Variants in KATNA1 observed in about 807,000 individuals in gnomAD.
KATNA1 encodes katanin catalytic subunit A1.
A neutral mutation model predicts 62.6 loss-of-function variants in KATNA1; 42 were observed. The ratio of observed to expected loss-of-function variants is 0.67; its 90% CI spans 0.52 to 0.87. The LOEUF (loss-of-function observed/expected upper bound fraction) is 0.87. KATNA1 is among the 40% of genes least tolerant of loss of function. The pLI is 0.00. For missense variants in KATNA1, 498 were observed against 612.5 expected (o/e 0.81, Z 1.97); for synonymous variants, 186 against 201.9 (o/e 0.92, Z 0.67).
At chr6:149,631,175 G>T (rs1422893637) in intron 3 of KATNA1, among the ~76,000 whole-genome samples, 2 of 152,142 alleles carry the variant, frequency 1.3e-5, no homozygotes, top group Non-Finnish European at 2.9e-5. Context: ...CAAGGTGGGT[G>T]AATCACGAGG....
chr6:149,644,010 G>C (rs1780387369), intron 1 of KATNA1, among the ~76,000 whole-genome samples: 1 of 151,844 alleles, frequency 6.6e-6, no homozygotes, highest in Non-Finnish European at 1.5e-5. Flanking sequence ...TAACTACCAA[G>C]AGTTCGTAAC....
At chr6:149,625,841 T>G (rs1480966362) in intron 3 of KATNA1, among the ~76,000 whole-genome samples, 1 of 134,070 alleles carries the variant, frequency 7.5e-6, no homozygotes, top group Non-Finnish European at 1.6e-5. Flanking sequence ...GGCTGAGGCA[T>G]GAAAATCGCT....
intron 4 of KATNA1, among the ~76,000 whole-genome samples, chr6:149,616,128 C>A (rs1779159003): frequency 6.6e-6 from 1 of 152,072 alleles, no homozygotes. Flanking sequence ...ATGAAGAGAT[C>A]TGAAAATGAA....
intron 1 of KATNA1, among the ~76,000 whole-genome samples, chr6:149,640,112 G>A (rs1780224064): frequency 6.6e-6 from 1 of 152,148 alleles, no homozygotes; most frequent in South Asian, 2.1e-4. Context: ...ACTTTCAGGA[G>A]TTACGCTATA....
At chr6:149,615,596 T>G (rs1779140231) in intron 4 of KATNA1, among the ~76,000 whole-genome samples, 1 of 152,006 alleles carries the variant, frequency 6.6e-6, no homozygotes, top group East Asian at 1.9e-4. Context: ...TTAAATGGAT[T>G]AAACCCTCCC....
rs1298620029 is a variant in KATNA1 at position 149,628,137 on chromosome 6, G to A, written c.320+4622C>T. Among the ~76,000 whole-genome samples the A allele has an allele frequency of 7.3e-5, 11 of 150,536 alleles. No homozygotes were observed. In the East Asian group the frequency reaches 1.8e-3, roughly 24 times the overall value. On this transcript the variant is annotated intron_variant, in intron 3 of 10. Transcript: ENST00000367411. ...TTTTTTTTGAAACGGAGTGTCTGTCGCCCAGGCTGGAGTGCAGTGGCGCCA... is the reference window on the plus strand; with the variant it reads ...TTTTTTTTGAAACGGAGTGTCTGTCACCCAGGCTGGAGTGCAGTGGCGCCA...
intron 4 of KATNA1, among the ~76,000 whole-genome samples, chr6:149,619,720 T>C (rs949624373): frequency 1.3e-5 from 2 of 152,184 alleles, no homozygotes; most frequent in African/African-American, 4.8e-5. Flanking sequence ...ATGAACAGTA[T>C]GGAGGTTCCT....
chr6:149,630,298 G>A (rs969095306), intron 3 of KATNA1, among the ~76,000 whole-genome samples: 5 of 152,220 alleles, frequency 3.3e-5, no homozygotes, highest in South Asian at 2.1e-4. Context: ...GTCAGTAACA[G>A]AACATTAGTA....
Position 149,597,090 on chromosome 6 carries a change from G to C in KATNA1, c.1250C>G (p.Ser417Ter). The change falls in exon 10 of 11, where the codon TCA becomes TGA. Residue 417 changes from serine (S) to a stop codon, truncating the protein, a stop_gained. Transcript: ENST00000367411. LOFTEE classifies it high-confidence loss of function. Reference protein sequence around the residue: ...ASIAENMEGYSGADITNVCRD... With the variant: ...ASIAENMEGY Reference sequence around the variant, plus strand: ...GCACACGTTGGTAATGTCCGCACCTGAATAACCTTCCATGTTTTCTGCTAT... The same window carrying C: ...GCACACGTTGGTAATGTCCGCACCTCAATAACCTTCCATGTTTTCTGCTAT... 2 of 1,614,136 alleles carry C rather than the reference G, an allele frequency of 1.2e-6. No homozygotes were observed. The highest frequency in any genetic ancestry group is 1.7e-6 in the Non-Finnish European group (2 of 1,179,994).
At chr6:149,605,114 A>AGT (rs1252240797) in intron 4 of KATNA1, among the ~76,000 whole-genome samples, 1 of 151,932 alleles carries the variant, frequency 6.6e-6, no homozygotes, top group Non-Finnish European at 1.5e-5. Flanking sequence ...CAGAGCTTGC[A>AGT]GTGAGCCAAG....
chr6:149,617,987 T>C (rs956311991), intron 4 of KATNA1, among the ~76,000 whole-genome samples: 2 of 125,544 alleles, frequency 1.6e-5, no homozygotes, highest in African/African-American at 6.6e-5. Context: ...AATAAATAAA[T>C]AAATATATAT....
intron 4 of KATNA1, among the ~76,000 whole-genome samples, chr6:149,606,490 C>T (rs913016978): frequency 2.0e-5 from 3 of 152,072 alleles, no homozygotes; most frequent in Non-Finnish European, 2.9e-5. Flanking sequence ...TTATTAATGT[C>T]CAGACTTAAC....
intron 3 of KATNA1, among the ~76,000 whole-genome samples, chr6:149,628,059 T>C (rs1451021791): frequency 6.6e-6 from 1 of 151,894 alleles, no homozygotes; most frequent in Non-Finnish European, 1.5e-5. Flanking sequence ...ATTTAAGCTA[T>C]GTCTAACCTT....
At position 149,623,276 on chromosome 6, in the gene KATNA1, G is replaced by C; in HGVS notation, c.328C>G (p.Pro110Ala). ...MPVPVERRPS[P>A]GPRKRQSSQY... ...GAAGATTGGCGTTTTCTAGGTCCTGGTGAGGGTCTAATCAAACAAAAACTC... is the reference window on the plus strand; with the variant it reads ...GAAGATTGGCGTTTTCTAGGTCCTGCTGAGGGTCTAATCAAACAAAAACTC... The change falls in exon 4 of 11, where the codon CCA (proline) becomes GCA (alanine). Residue 110 changes from proline to alanine, a missense_variant. Transcript: ENST00000367411. 3 of 1,594,638 alleles carry C rather than the reference G, an allele frequency of 1.9e-6. No homozygotes were observed. Among genetic ancestry groups the C allele is most frequent in the Non-Finnish European group, 2.6e-6 (3 of 1,174,642 alleles).
At position 149,613,777 on chromosome 6, in the gene KATNA1, T is replaced by A. The variant is rs146522527; in HGVS notation, c.502-8995A>T. Reference sequence around the variant, plus strand: ...CAGCTACTGCTATGGTTTTAATGTGTCCCTCCAAAAGCAAGGTGTTGAAAC... The same window carrying A: ...CAGCTACTGCTATGGTTTTAATGTGACCCTCCAAAAGCAAGGTGTTGAAAC... On this transcript the variant is annotated intron_variant, in intron 4 of 10. Transcript: ENST00000367411. Among the ~76,000 whole-genome samples the A allele has an allele frequency of 4.2e-3, 633 of 152,294 alleles. 2 individuals are homozygous for A. The highest frequency in any genetic ancestry group is 0.013 in the African/African-American group (526 of 41,560).
At chr6:149,613,834 G>A (rs1269560564) in intron 4 of KATNA1, among the ~76,000 whole-genome samples, 5 of 152,152 alleles carry the variant, frequency 3.3e-5, no homozygotes, top group African/African-American at 4.8e-5. Flanking sequence ...TTAAAAGTTG[G>A]GCCTTTGAGA....
rs114268002 is a variant in KATNA1 at position 149,626,077 on chromosome 6, C to G, written c.321-2794G>C. On this transcript the variant is annotated intron_variant, in intron 3 of 10. Transcript: ENST00000367411. Reference sequence around the variant, plus strand: ...AAGTATTTCTGTGTATGTATTTTTCCCTTTGCTAGAGAAATAATACAAAAT... The same window carrying G: ...AAGTATTTCTGTGTATGTATTTTTCGCTTTGCTAGAGAAATAATACAAAAT... Among the ~76,000 whole-genome samples, 720 of 152,102 alleles carry G rather than the reference C, an allele frequency of 4.7e-3. 5 individuals are homozygous for G. Among genetic ancestry groups the G allele is most frequent in the African/African-American group, 0.016 (682 of 41,500 alleles).
chr6:149,643,926 G>A (rs1462387019), intron 1 of KATNA1, among the ~76,000 whole-genome samples: 5 of 151,778 alleles, frequency 3.3e-5, no homozygotes, highest in African/African-American at 2.4e-5. Flanking sequence ...GGGCTCAAGC[G>A]ATCAGCCCAC....
At chr6:149,635,330 T>G (rs55849538) in intron 2 of KATNA1, among the ~76,000 whole-genome samples, 2 of 152,132 alleles carry the variant, frequency 1.3e-5, no homozygotes, top group South Asian at 4.1e-4. Flanking sequence ...ATTATAGTAA[T>G]GGGTCTTAAC....
Sources: gnomAD v4.1 joint callset for allele counts (sites outside exome capture counted in the v4.1 genomes callset) on GRCh38, gnomAD v4.1.1 for gene constraint, MANE v1.5 for transcripts, NCBI Gene and HGNC (gene_info 2026-07-23, HGNC 2026-07-21) for gene names.